The following CFAP69 variants were observed in gnomAD, a reference collection of about 807,000 sequenced individuals.
CFAP69 encodes the protein cilia and flagella associated protein 69, also known as cilia- and flagella-associated protein 69.
In CFAP69, 92 loss-of-function variants were observed where a neutral mutation model predicts 123.0. The observed-to-expected ratio is 0.75, with a 90% CI of 0.63 to 0.89. CFAP69 has a LOEUF of 0.89. Among genes scored for constraint, CFAP69 ranks in the 40% least tolerant of loss-of-function variants. The probability of loss-of-function intolerance (pLI) is 0.00; values close to 1 mark genes in which losing one functional copy is unlikely to be tolerated. For missense variants in CFAP69, 1,067 were observed against 1,096.9 expected, an observed-to-expected ratio of 0.97 and a Z score of 0.39; for synonymous variants, 380 against 364.3, an observed-to-expected ratio of 1.04 and a Z score of -0.49.
chr7:90,318,751 A>C, the CFAP69 span: 2 of 152,132 alleles, frequency 1.3e-5, no homozygotes, highest in Non-Finnish European at 2.9e-5. Context: ...AAGCAATTAC[A>C]ACAAAAAACA....
chr7:90,264,091 GAAAAA>G (rs1165222104), intron 4 of CFAP69, among the ~76,000 whole-genome samples: 20 of 17,992 alleles, frequency 1.1e-3, no homozygotes, highest in Non-Finnish European at 3.5e-4. Context: ...ACTCCATCTC[GAAAAA>G]AAAAAAAAAT....
At chr7:90,274,440 A>G (rs941096966) in intron 9 of CFAP69, among the ~76,000 whole-genome samples, 2 of 152,170 alleles carry the variant, frequency 1.3e-5, no homozygotes, top group African/African-American at 4.8e-5. Flanking sequence ...GTGCAAATCT[A>G]CTGGCTGCTG....
chr7:90,261,968 A>G lies in CFAP69; in HGVS notation c.268A>G (p.Ile90Val). 1 of 1,589,082 alleles carries G rather than the reference A, an allele frequency of 6.3e-7. No individual in the cohort carries two copies. The change falls in exon 4 of 23, where the codon ATA becomes GTA. Residue 90 changes from isoleucine (I) to valine (V), a missense_variant. Physicochemically the swap from Ile to Val is conservative, Grantham distance 29 (BLOSUM62 3). Transcript: ENST00000389297. ...AAAGCCATTAAGGGATTTAGCACAG[A>G]TATTTAAAATTCTGAATCTGTGTTC... ...NGLPLRDLAQ[I>V]FKILNLCSGK...
intron 5 of CFAP69, 60 bp from the exon 6 acceptor site, chr7:90,268,226 A>C: frequency 9.3e-7 from 1 of 1,071,756 alleles, no homozygotes; most frequent in Non-Finnish European, 1.4e-6. Context: ...TTTATGCCTA[A>C]ATTCTACAAA....
chr7:90,258,036 A>AT (rs1797860091), intron 2 of CFAP69, 62 bp from the exon 3 acceptor site: 1 of 1,193,670 alleles, frequency 8.4e-7, no homozygotes, highest in Non-Finnish European at 1.2e-6. Context: ...ATGTTGAAGA[A>AT]TTTTTTAAAA....
At chr7:90,316,056 T>C (rs1324990019), downstream of CFAP69, among the ~76,000 whole-genome samples, 1 of 152,144 alleles carries the variant, frequency 6.6e-6, no homozygotes, top group African/African-American at 2.4e-5. Flanking sequence ...ATCACGCCAT[T>C]GCACTCCAGC....
chr7:90,251,827 C>A (rs1352540129), intron 1 of CFAP69: 1 of 152,142 alleles, frequency 6.6e-6, no homozygotes, highest in Non-Finnish European at 1.5e-5. Context: ...ATGCTTTAAT[C>A]TTTACTACTC....
chr7:90,289,928 T>C (rs1790877213), intron 15 of CFAP69, among the ~76,000 whole-genome samples: 2 of 152,198 alleles, frequency 1.3e-5, no homozygotes, highest in East Asian at 1.9e-4. Context: ...CCGTATATAT[T>C]TGGATCTATT....
intron 15 of CFAP69, among the ~76,000 whole-genome samples, chr7:90,289,848 C>A (rs1790862751): frequency 6.6e-6 from 1 of 152,102 alleles, no homozygotes; most frequent in Non-Finnish European, 1.5e-5. Context: ...GGTTGTAATT[C>A]AATGCTGTTT....
chr7:90,262,673 A>C (rs915643605), intron 4 of CFAP69, among the ~76,000 whole-genome samples: 12 of 152,128 alleles, frequency 7.9e-5, no homozygotes, highest in Non-Finnish European at 1.8e-4. Flanking sequence ...ATCCATTTTT[A>C]GTTGCTAAAT....
chr7:90,293,692 C>T (rs941400023), intron 15 of CFAP69, among the ~76,000 whole-genome samples: 7 of 152,296 alleles, frequency 4.6e-5, no homozygotes, highest in Middle Eastern at 3.4e-3. Flanking sequence ...ATACTTGTTA[C>T]GCTGTTAACT....
intron 6 of CFAP69, among the ~76,000 whole-genome samples, chr7:90,268,733 T>C (rs1163941066): frequency 2.6e-5 from 4 of 152,080 alleles, no homozygotes; most frequent in Non-Finnish European, 2.9e-5. Context: ...CCCCACTCAG[T>C]TAAATGTTAA....
At chr7:90,312,251 C>G (rs1032648436), downstream of CFAP69, among the ~76,000 whole-genome samples, 2 of 152,190 alleles carry the variant, frequency 1.3e-5, no homozygotes, top group African/African-American at 4.8e-5. Context: ...ATGCTCAACA[C>G]AGACAACATG....
At chr7:90,263,647 T>C (rs1408727166) in intron 4 of CFAP69, among the ~76,000 whole-genome samples, 4 of 152,126 alleles carry the variant, frequency 2.6e-5, no homozygotes, top group Non-Finnish European at 5.9e-5. Flanking sequence ...ACACTAGAAA[T>C]GAACTTCTGT....
chr7:90,278,573 A>G (rs903917038), intron 11 of CFAP69, among the ~76,000 whole-genome samples: 1 of 149,554 alleles, frequency 6.7e-6, no homozygotes, highest in African/African-American at 2.6e-5. Flanking sequence ...TATAAAGATA[A>G]TAAAATTTAT....
At chr7:90,279,407 G>A (rs1175920876) in intron 11 of CFAP69, among the ~76,000 whole-genome samples, 1 of 151,788 alleles carries the variant, frequency 6.6e-6, no homozygotes, top group Non-Finnish European at 1.5e-5. Context: ...TTATAAGCAG[G>A]AACTACATTA....
intron 17 of CFAP69, chr7:90,301,338 T>G (rs531754663): frequency 6.6e-6 from 1 of 152,260 alleles, no homozygotes; most frequent in Non-Finnish European, 1.5e-5. Context: ...TTTTTAAATT[T>G]TATTTTAGGT....
rs17867612 is a variant in CFAP69, at chr7:90,288,061, A to G, written c.1657-173A>G. Among the ~76,000 whole-genome samples, 8,104 of 152,156 alleles carry G rather than the reference A, an allele frequency of 0.053. 271 individuals are homozygous for G. Among genetic ancestry groups the G allele is most frequent in the Non-Finnish European group, 0.077 (5,239 of 67,952 alleles). On this transcript the variant is annotated intron_variant, in intron 14 of 22. Transcript: ENST00000389297. ...TTAATTTTATAATAATTTGTTTTAA[A>G]TTCCTGAGAACAAGTAAGTACGGTT...
At position 90,299,975 on chromosome 7, in the gene CFAP69, A is replaced by G. The variant is rs779588519; in HGVS notation, c.1966A>G (p.Thr656Ala). 1 of 1,612,100 alleles carries G rather than the reference A, an allele frequency of 6.2e-7. No homozygotes were observed. The highest frequency in any genetic ancestry group is 1.1e-5 in the South Asian group (1 of 90,694). The change falls in exon 17 of 23, where the codon ACA becomes GCA. Residue 656 changes from threonine (T) to alanine (A), a missense_variant. Thr to Ala is a moderately conservative substitution (Grantham distance 58). Transcript: ENST00000389297. ...VNAWQGKKDQ[T>A]AASLLIKLWR... The stretch of plus-strand genomic sequence containing the variant: ...TGCTTGGCAAGGGAAGAAGGATCAG[A>G]CAGCTGCTAGTCTTTTAATTAAATT...
Sources: allele counts gnomAD v4.1 joint callset (sites outside exome capture counted in the v4.1 genomes callset), GRCh38; gene constraint gnomAD v4.1.1; transcripts MANE v1.5; gene names NCBI Gene and HGNC (gene_info 2026-07-23, HGNC 2026-07-21).